The following SGCZ variants were observed in gnomAD, a reference collection of about 807,000 sequenced individuals.
SGCZ encodes the protein sarcoglycan zeta.
SGCZ carries 40 observed loss-of-function variants against 41.3 expected under a neutral mutation model. The ratio of observed to expected loss-of-function variants is 0.97; its 90% confidence interval spans 0.75 to 1.26. The LOEUF (loss-of-function observed/expected upper bound fraction) is 1.26, where lower values mean the gene tolerates loss of function less well. Ranked by LOEUF, SGCZ falls within the 50% of genes most tolerant of loss-of-function variation. SGCZ has a pLI of 0.00. For synonymous variants in SGCZ, 206 were observed against 137.5 expected (o/e 1.50, Z -3.49); for missense variants, 552 against 369.8 (o/e 1.49, Z -4.04).
intron 1 of SGCZ, among the ~76,000 whole-genome samples, chr8:15,092,071 T>G (rs1473245681): frequency 6.6e-6 from 1 of 152,142 alleles, no homozygotes; most frequent in East Asian, 1.9e-4. Context: ...TTTAAAGCAC[T>G]GTTGTTTATA....
chr8:14,911,351 A>G (rs1202409045), intron 1 of SGCZ, among the ~76,000 whole-genome samples: 1 of 152,060 alleles, frequency 6.6e-6, no homozygotes, highest in Non-Finnish European at 1.5e-5. Flanking sequence ...ATACGCAGAC[A>G]CCAATGCCTA....
chr8:14,837,867 T>C (rs568463816), intron 1 of SGCZ, among the ~76,000 whole-genome samples: 28 of 152,124 alleles, frequency 1.8e-4, no homozygotes, highest in Admixed American at 4.6e-4. Flanking sequence ...AATAATCAAA[T>C]CATAATAACT....
chr8:15,206,431 G>A (rs569505614), intron 1 of SGCZ, among the ~76,000 whole-genome samples: 44 of 145,604 alleles, frequency 3.0e-4, no homozygotes, highest in African/African-American at 1.1e-3. Context: ...AGGAAGGTAG[G>A]CTGCTTTTAC....
intron 3 of SGCZ, among the ~76,000 whole-genome samples, chr8:14,316,282 A>C (rs1175871742): frequency 6.6e-6 from 1 of 152,036 alleles, no homozygotes; most frequent in Non-Finnish European, 1.5e-5. Context: ...TCATAGTAAA[A>C]TATTAGTAAA....
intron 1 of SGCZ, among the ~76,000 whole-genome samples, chr8:14,565,183 A>G (rs1804321049): frequency 6.6e-6 from 1 of 152,336 alleles, no homozygotes; most frequent in East Asian, 1.9e-4. Flanking sequence ...TTTATTTAAA[A>G]TGTGGACATT....
intron 1 of SGCZ, among the ~76,000 whole-genome samples, chr8:14,755,662 T>C (rs1799641647): frequency 6.6e-6 from 1 of 152,118 alleles, no homozygotes; most frequent in African/African-American, 2.4e-5. Context: ...GAATTAGATA[T>C]ACATATACAC....
At chr8:14,809,364 T>C (rs1214689721) in intron 1 of SGCZ, among the ~76,000 whole-genome samples, 1 of 152,194 alleles carries the variant, frequency 6.6e-6, no homozygotes, top group Non-Finnish European at 1.5e-5. Context: ...TTTGTTTTGC[T>C]GGCACTAAAT....
chr8:14,780,000 T>C (rs1800535638), intron 1 of SGCZ, among the ~76,000 whole-genome samples: 1 of 152,184 alleles, frequency 6.6e-6, no homozygotes, highest in African/African-American at 2.4e-5. Context: ...ATAATTGTCA[T>C]TCTACAGTCA....
At chr8:14,844,491 C>A (rs1803034502) in intron 1 of SGCZ, among the ~76,000 whole-genome samples, 1 of 152,114 alleles carries the variant, frequency 6.6e-6, no homozygotes, top group Non-Finnish European at 1.5e-5. Context: ...GCTATGGTGT[C>A]ATTTGTTCCA....
At chr8:14,374,952 T>C (rs780510523) in intron 2 of SGCZ, among the ~76,000 whole-genome samples, 6 of 152,128 alleles carry the variant, frequency 3.9e-5, no homozygotes, top group Non-Finnish European at 7.4e-5. Context: ...AAGGGGATGA[T>C]TGCAGTAGAG....
At chr8:14,483,598 G>T (rs966803069) in intron 2 of SGCZ, among the ~76,000 whole-genome samples, 2 of 152,036 alleles carry the variant, frequency 1.3e-5, no homozygotes, top group Non-Finnish European at 2.9e-5. Flanking sequence ...AAAGGTATTT[G>T]ATTTCAACAC....
At chr8:14,384,227 G>C (rs576108131) in intron 2 of SGCZ, among the ~76,000 whole-genome samples, 1 of 151,992 alleles carries the variant, frequency 6.6e-6, no homozygotes, top group African/African-American at 2.4e-5. Flanking sequence ...TCGGTTTTTT[G>C]TCCTTGCGAT....
chr8:14,460,402 T>G (rs987299975), intron 2 of SGCZ, among the ~76,000 whole-genome samples: 9 of 152,116 alleles, frequency 5.9e-5, no homozygotes, highest in East Asian at 3.8e-4. Flanking sequence ...TCAATTAAAT[T>G]TATCAATATA....
chr8:15,140,806 A>G (rs1808292278), intron 1 of SGCZ, among the ~76,000 whole-genome samples: 1 of 152,140 alleles, frequency 6.6e-6, no homozygotes, highest in African/African-American at 2.4e-5. Context: ...TTATTTCAAA[A>G]TCCATTCATT....
intron 1 of SGCZ, among the ~76,000 whole-genome samples, chr8:14,967,178 C>A (rs188421707): frequency 6.6e-6 from 1 of 152,140 alleles, no homozygotes; most frequent in South Asian, 2.1e-4. Flanking sequence ...CTGTAATACA[C>A]ATTAAAATTA....
chr8:14,722,545 C>T (rs1222684060), intron 1 of SGCZ, among the ~76,000 whole-genome samples: 3 of 151,654 alleles, frequency 2.0e-5, no homozygotes, highest in South Asian at 2.1e-4. Context: ...TATTTATATA[C>T]ATATATATTT....
intron 1 of SGCZ, among the ~76,000 whole-genome samples, chr8:14,783,714 G>T (rs930799251): frequency 2.0e-5 from 3 of 151,964 alleles, no homozygotes; most frequent in African/African-American, 7.2e-5. Flanking sequence ...TTTTGCTGTT[G>T]TTGTTTGTTT....
intron 2 of SGCZ, among the ~76,000 whole-genome samples, chr8:14,532,774 C>G (rs1024063035): frequency 2.0e-5 from 3 of 151,100 alleles, no homozygotes; most frequent in Non-Finnish European, 4.4e-5. Flanking sequence ...GAAGACTAAG[C>G]TATTTCACTT....
intron 3 of SGCZ, among the ~76,000 whole-genome samples, chr8:14,317,801 C>G (rs1226103560): frequency 6.6e-6 from 1 of 151,780 alleles, no homozygotes; most frequent in Non-Finnish European, 1.5e-5. Context: ...TTGCACCAAC[C>G]TAACACAAAG....
Sources: gnomAD v4.1 joint callset for allele counts (sites outside exome capture counted in the v4.1 genomes callset) on GRCh38, gnomAD v4.1.1 for gene constraint, MANE v1.5 for transcripts, NCBI Gene and HGNC (gene_info 2026-07-23, HGNC 2026-07-21) for gene names.